Variants in TRUB2 observed in about 807,000 individuals in gnomAD.
TRUB2 encodes pseudouridylate synthase TRUB2, mitochondrial.
A neutral mutation model predicts 31.9 loss-of-function variants in TRUB2; 31 were observed. The ratio of observed to expected loss-of-function variants is 0.97; its 90% confidence interval spans 0.73 to 1.31. TRUB2 has a LOEUF of 1.31. TRUB2 is among the 50% of genes most tolerant of loss of function. TRUB2 has a pLI of 0.00. For synonymous variants in TRUB2, 201 were observed against 182.6 expected (o/e 1.10, Z -0.81); for missense variants, 451 against 439.6 (o/e 1.03, Z -0.23).
intron 7 of TRUB2, 115 bp from the exon 8 acceptor site, chr9:128,309,990 C>G (rs905083578): frequency 8.8e-7 from 1 of 1,134,948 alleles, no homozygotes; most frequent in Non-Finnish European, 1.2e-6. Context: ...AGCAAGACCC[C>G]TAAGCTCTCC....
At chr9:128,311,412 C>A in intron 6 of TRUB2, 117 bp downstream of exon 6, 1 of 1,049,696 alleles carries the variant, frequency 9.5e-7, no homozygotes, top group East Asian at 2.4e-5. Flanking sequence ...AGGTAGCTCC[C>A]GTCTGGTTCT....
intron 1 of TRUB2, 30 bp downstream of exon 1, chr9:128,322,269 CG>C (rs1335420338): frequency 6.4e-7 from 1 of 1,572,104 alleles, no homozygotes; most frequent in Non-Finnish European, 8.8e-7. Flanking sequence ...AGAACGAGAG[CG>C]GGAACGTGGG....
At chr9:128,321,539 G>T in intron 2 of TRUB2, 60 bp downstream of exon 2, 1 of 1,608,574 alleles carries the variant, frequency 6.2e-7, no homozygotes, top group South Asian at 1.1e-5. Context: ...CTGGGACACT[G>T]ACTCGGCTCA....
At position 128,315,591 on chromosome 9, in the gene TRUB2, A is replaced by G; in HGVS notation, c.354T>C (p.Asp118=). 4 of 1,613,552 alleles carry G rather than the reference A, an allele frequency of 2.5e-6. No homozygotes were observed. Among genetic ancestry groups the G allele is most frequent in the South Asian group, 2.2e-5 (2 of 91,016 alleles). Residue 118 remains aspartate (D), a synonymous_variant, in exon 4 of 8, where the codon GAT becomes GAC. Coordinates refer to ENST00000372890, the MANE Select transcript of TRUB2 (RefSeq NM_015679.3). ...GVGHGCRLLT[D]MYNAHLTKDY... ...CCTTGGTAAGATGAGCATTGTACAT[A>G]TCGGTGAGGAGCCTGCATCCATGTC...
chr9:128,311,688 C>T, intron 5 of TRUB2, 87 bp from the exon 6 acceptor site: 1 of 1,417,186 alleles, frequency 7.1e-7, no homozygotes, highest in Non-Finnish European at 9.9e-7. Flanking sequence ...AGCCCCATCC[C>T]TGGAACATGG....
chr9:128,322,413 G>A lies in TRUB2; in HGVS notation c.-5C>T, dbSNP rs773998115. On this transcript the variant is annotated 5_prime_UTR_variant, in exon 1 of 8. Transcript: ENST00000372890. ...CGACAAGCCAGCAGACCCCATACTT[G>A]AAGATCACAGCACCCGCTGGACCTG... 4 of 1,613,920 alleles carry A rather than the reference G, an allele frequency of 2.5e-6. No homozygotes were observed. Among genetic ancestry groups the A allele is most frequent in the African/African-American group, 2.7e-5 (2 of 74,934 alleles).
In TRUB2 at chr9:128,309,776, C is replaced by A. The variant is rs1243672924; in HGVS notation, c.770G>T (p.Arg257Leu). 6.2e-7 allele frequency: 1 copy of A among 1,614,252 alleles called. No individual in the cohort carries two copies. The highest frequency in any genetic ancestry group is 8.5e-7 in the Non-Finnish European group (1 of 1,180,048). Residue 257 changes from arginine (R) to leucine (L), a missense_variant, in exon 8 of 8, where the codon CGC becomes CTC. By Grantham distance (102) the Arg-to-Leu change is moderately radical. Coordinates refer to ENST00000372890, the MANE Select transcript of TRUB2 (RefSeq NM_015679.3). Reference protein sequence around the residue: ...KTTAVCTQVRRTRDGFFTLDS... With the variant: ...KTTAVCTQVRLTRDGFFTLDS... ...TAGCGTGAAGAAGCCGTCGCGCGTG[C>A]GCCGCACTTGGGTGCAGACAGCAGT...
rs1452023072 is a variant in TRUB2 at position 128,306,474 on chromosome 9, ACT to A, written c.*3074_*3075del. On this transcript the variant is annotated 3_prime_UTR_variant, in exon 8 of 8. Transcript: ENST00000372890. ...TTTTTTTTTTTTGAGACAGAGTCTC[ACT>A]CTGTCACCTAGGCTGGAGTGCAGTG... 2 of 142,526 alleles carry A rather than the reference ACT, an allele frequency of 1.4e-5. No individual in the cohort carries two copies. Among genetic ancestry groups the A allele is most frequent in the East Asian group, 4.1e-4 (2 of 4,924 alleles). 8.8% of individuals were successfully genotyped at this position (142,526 alleles called of 1,614,324 possible).
chr9:128,309,822 T>C lies in TRUB2; in HGVS notation c.724A>G (p.Ile242Val), dbSNP rs1320371737. The change falls in exon 8 of 8, where the codon ATC (isoleucine) becomes GTC (valine). Residue 242 changes from isoleucine (I) to valine (V), a missense_variant. Coordinates refer to ENST00000372890, the MANE Select transcript of TRUB2 (RefSeq NM_015679.3). ...GCAGTGGTCTTTAGTTCCAGGCCGA[T>C]TTCATGAACCAACTTCCGCAGCTCT... ...QKELRKLVHE[I>V]GLELKTTAVC... 3.7e-6 allele frequency: 6 copies of C among 1,614,226 alleles called. No homozygotes were observed. In the South Asian group the frequency reaches 6.6e-5, roughly 18 times the overall value.
At chr9:128,318,246 A>C (rs1328399070) in intron 2 of TRUB2, among the ~76,000 whole-genome samples, 1 of 152,170 alleles carries the variant, frequency 6.6e-6, no homozygotes, top group Non-Finnish European at 1.5e-5. Flanking sequence ...TGGGAGGCTG[A>C]GGCAAGAGAA....
intron 5 of TRUB2, among the ~76,000 whole-genome samples, chr9:128,313,323 C>T (rs1832007754): frequency 6.6e-6 from 1 of 150,938 alleles, no homozygotes; most frequent in Non-Finnish European, 1.5e-5. Context: ...TCAGGAGATC[C>T]AGACCATCTT....
At chr9:128,314,315 CGG>C (rs1283663882) in intron 4 of TRUB2, among the ~76,000 whole-genome samples, 1 of 152,116 alleles carries the variant, frequency 6.6e-6, no homozygotes, top group Non-Finnish European at 1.5e-5. Context: ...CAACCTAACT[CGG>C]CAATTTATCA....
Position 128,322,428 on chromosome 9 carries a change from C to T in TRUB2, c.-20G>A, listed in dbSNP as rs766208855. 4 of 1,613,084 alleles carry T rather than the reference C, an allele frequency of 2.5e-6. No homozygotes were observed. The highest frequency in any genetic ancestry group is 2.7e-5 in the African/African-American group (2 of 74,912). The stretch of plus-strand genomic sequence containing the variant: ...CCCCATACTTGAAGATCACAGCACC[C>T]GCTGGACCTGGACGGAAGTACCGCC... On this transcript the variant is annotated 5_prime_UTR_variant, in exon 1 of 8. Coordinates refer to ENST00000372890, the MANE Select transcript of TRUB2 (RefSeq NM_015679.3).
chr9:128,309,679 C>T lies in TRUB2; in HGVS notation c.867G>A (p.Gln289=), dbSNP rs372989944. The T allele has an allele frequency of 6.2e-7, 1 of 1,614,124 alleles. No homozygotes were observed. The highest frequency in any genetic ancestry group is 1.3e-5 in the African/African-American group (1 of 74,950). Residue 289 remains glutamine, a synonymous_variant, in exon 8 of 8, where the codon CAG becomes CAA. Coordinates refer to ENST00000372890, the MANE Select transcript of TRUB2 (RefSeq NM_015679.3). ...AGCTCTTCTCCAGCTCTGCAGCTAC[C>T]TGAGGGGTAGCAGCCCGGATAGCAT... ...IQDAIRAATP[Q]VAAELEKSLS...
In TRUB2 at chr9:128,311,559, A is replaced by G. The variant is rs1415838160; in HGVS notation, c.503T>C (p.Ile168Thr). 6.2e-7 allele frequency: 1 copy of G among 1,614,120 alleles called. No homozygotes were observed. The highest frequency in any genetic ancestry group is 1.7e-5 in the Admixed American group (1 of 60,002). The change falls in exon 6 of 8, where the codon ATC becomes ACC. Residue 168 changes from isoleucine to threonine, a missense_variant. Transcript: ENST00000372890. The part of the protein sequence containing the change: ...REKLDRILAV[I>T]QGSHQKALVM... ...CAGGGCCTTCTGATGGGAGCCTTGG[A>G]TAACGGCCAGAATGCGGTCCAGCTT... is the stretch of plus-strand genomic sequence containing the variant.
At position 128,309,116 on chromosome 9, in the gene TRUB2, T is replaced by A. The variant is rs564195967; in HGVS notation, c.*434A>T. On this transcript the variant is annotated 3_prime_UTR_variant, in exon 8 of 8. Transcript: ENST00000372890. ...CACTGCAAATACTTACAATTTTTTT[T>A]AATTTTTAATTTTCGTGGGCACATA... The A allele has an allele frequency of 1.2e-5, 2 of 167,160 alleles. No homozygotes were observed. Among genetic ancestry groups the A allele is most frequent in the South Asian group, 1.5e-4 (1 of 6,546 alleles). 10.4% of individuals were successfully genotyped at this position (167,160 alleles called of 1,614,324 possible).
At chr9:128,318,153 G>A (rs1832099433) in intron 2 of TRUB2, among the ~76,000 whole-genome samples, 1 of 152,122 alleles carries the variant, frequency 6.6e-6, no homozygotes, top group Non-Finnish European at 1.5e-5. Context: ...AGACCAGCCT[G>A]GCCAACATGG....
Position 128,309,700 on chromosome 9 carries a change from A to G in TRUB2, c.846T>C (p.Ala282=). The part of the protein sequence containing the change: ...TQWDLTNIQD[A]IRAATPQVAA... ...CTACCTGAGGGGTAGCAGCCCGGAT[A>G]GCATCCTGGATGTTGGTTAGGTCCC... The change falls in exon 8 of 8, where the codon GCT becomes GCC. Residue 282 remains alanine (A), a synonymous_variant. Coordinates refer to ENST00000372890, the MANE Select transcript of TRUB2 (RefSeq NM_015679.3). 5 of 1,614,208 alleles carry G rather than the reference A, an allele frequency of 3.1e-6. No homozygotes were observed. The highest frequency in any genetic ancestry group is 1.1e-5 in the South Asian group (1 of 91,088).
At chr9:128,317,091 T>A in intron 3 of TRUB2, 61 bp downstream of exon 3, 1 of 1,463,104 alleles carries the variant, frequency 6.8e-7, no homozygotes. Flanking sequence ...GGGCTCCTGG[T>A]AGCTTCAGGA....
Sources: gnomAD v4.1 joint callset for allele counts (sites outside exome capture counted in the v4.1 genomes callset) on GRCh38, gnomAD v4.1.1 for gene constraint, MANE v1.5 for transcripts, NCBI Gene and HGNC (gene_info 2026-07-23, HGNC 2026-07-21) for gene names.